Variants in CCAR1 observed in about 807,000 individuals in gnomAD.
The protein encoded by CCAR1 is cell division cycle and apoptosis regulator protein 1.
A neutral mutation model predicts 163.8 loss-of-function variants in CCAR1; 78 were observed. The observed-to-expected ratio is 0.48, with a 90% CI of 0.40 to 0.57. CCAR1 has a LOEUF of 0.57. Ranked by LOEUF, CCAR1 falls within the 20% of genes least tolerant of loss-of-function variation. CCAR1 has a pLI of 0.00. For missense variants in CCAR1, 1,019 were observed against 1,365.2 expected (o/e 0.75, Z 4.00); for synonymous variants, 443 against 460.7 (o/e 0.96, Z 0.49).
intron 16 of CCAR1, among the ~76,000 whole-genome samples, chr10:68,761,486 T>A (rs2056469342): frequency 1.3e-5 from 2 of 151,624 alleles, no homozygotes; most frequent in Non-Finnish European, 2.9e-5. Context: ...TTTTGTATTT[T>A]TAGTAGAGAC....
chr10:68,732,661 C>G (rs1189719262), intron 2 of CCAR1, among the ~76,000 whole-genome samples: 1 of 152,112 alleles, frequency 6.6e-6, no homozygotes, highest in African/African-American at 2.4e-5. Flanking sequence ...AACAGTTGTT[C>G]TTAACCTTTC....
intron 1 of CCAR1, chr10:68,721,598 C>G (rs1044522579): frequency 4.5e-6 from 2 of 447,226 alleles, no homozygotes; most frequent in African/African-American, 4.1e-5. Context: ...ACCCTCCTGG[C>G]CCCCCGGCCC....
intron 2 of CCAR1, among the ~76,000 whole-genome samples, chr10:68,732,143 C>A (rs1171494611): frequency 6.6e-6 from 1 of 152,042 alleles, no homozygotes; most frequent in Non-Finnish European, 1.5e-5. Context: ...AATCTAAGGC[C>A]GTGGTTCAGG....
At position 68,791,414 on chromosome 10, in the gene CCAR1, GT is replaced by G. The variant is rs2056850852; in HGVS notation, c.*151del. ...GATGTATAAAGTTTTATGAATGTGAGTTTCTGCTTTTGAAAATTGCTTGTAA... is the reference window on the plus strand; with the variant it reads ...GATGTATAAAGTTTTATGAATGTGAGTTCTGCTTTTGAAAATTGCTTGTAA... On this transcript the variant is annotated 3_prime_UTR_variant, in exon 25 of 25. Coordinates refer to ENST00000265872, the MANE Select transcript of CCAR1 (RefSeq NM_018237.4). 8.3e-6 allele frequency: 4 copies of G among 480,412 alleles called. No homozygotes were observed. The South Asian group carries it at 1.2e-4, about 14-fold the overall frequency. The allele number at this position is 480,412 out of a possible 1,614,324, so 29.8% of individuals were successfully genotyped here.
intron 2 of CCAR1, among the ~76,000 whole-genome samples, chr10:68,726,821 C>G (rs2055954459): frequency 6.6e-6 from 1 of 151,510 alleles, no homozygotes; most frequent in East Asian, 2.0e-4. Context: ...CATGGTGAAA[C>G]CCCGTCTCTA....
Position 68,740,617 on chromosome 10 carries a change from TTC to T in CCAR1, c.292-10_292-9del. 1 of 1,610,058 alleles carries T rather than the reference TTC, an allele frequency of 6.2e-7. No homozygotes were observed. Among genetic ancestry groups the T allele is most frequent in the South Asian group, 1.1e-5 (1 of 90,576 alleles). On this transcript the variant is annotated splice_polypyrimidine_tract_variant and intron_variant, in intron 4 of 24. Transcript: ENST00000265872. The stretch of plus-strand genomic sequence containing the variant: ...GACCCTTTTCTGTGTGTGTTTATTT[TTC>T]TGTTTTCAGTTACAGCAACCCCAGC...
At chr10:68,781,521 C>T (rs758592065) in intron 19 of CCAR1, among the ~76,000 whole-genome samples, 1 of 152,026 alleles carries the variant, frequency 6.6e-6, no homozygotes, top group Non-Finnish European at 1.5e-5. Flanking sequence ...GCCTGGGCAA[C>T]AGAGCAAGAC....
rs2056306480 is a variant in CCAR1, at chr10:68,749,731, A to G, written c.1118+46A>G. 2.0e-6 allele frequency: 3 copies of G among 1,483,484 alleles called. No individual in the cohort carries two copies. The highest frequency in any genetic ancestry group is 2.8e-6 in the Non-Finnish European group (3 of 1,075,418). The allele number at this position is 1,483,484 out of a possible 1,614,324, so 91.9% of individuals were successfully genotyped here. A position where few individuals can be genotyped will look rare whatever the true frequency, so the allele number is the denominator to read the frequency against. On this transcript the variant is annotated intron_variant, in intron 10 of 24. Coordinates refer to ENST00000265872, the MANE Select transcript of CCAR1 (RefSeq NM_018237.4). The stretch of plus-strand genomic sequence containing the variant: ...TGTTTTCTTGAGTTACTAATTTCAT[A>G]TAATTTGATAGAATATGTCACAGAG...
intron 17 of CCAR1, among the ~76,000 whole-genome samples, chr10:68,767,883 C>G (rs185941441): frequency 1.1e-3 from 164 of 152,276 alleles, no homozygotes; most frequent in African/African-American, 3.8e-3. Context: ...TGTTTGTTTT[C>G]AAAACAATTG....
intron 5 of CCAR1, among the ~76,000 whole-genome samples, chr10:68,741,014 A>C (rs2056176332): frequency 2.0e-5 from 3 of 151,708 alleles, no homozygotes. Flanking sequence ...CCTGGGTTCA[A>C]GCGATTCTCC....
In CCAR1 at chr10:68,744,230, A is replaced by T. The variant is rs557560717; in HGVS notation, c.518+1661A>T. 4.6e-5 allele frequency among the ~76,000 whole-genome samples: 7 copies of T among 152,356 alleles called. No homozygotes were observed. In the East Asian group the frequency reaches 1.4e-3, roughly 29 times the overall value. Reference sequence around the variant, plus strand: ...TTTTTTCCTGAAGAAAGGCGGTTCTAACAATATTTCTGGGTAAACATAACT... The same window carrying T: ...TTTTTTCCTGAAGAAAGGCGGTTCTTACAATATTTCTGGGTAAACATAACT... On this transcript the variant is annotated intron_variant, in intron 6 of 24. Coordinates refer to ENST00000265872, the MANE Select transcript of CCAR1 (RefSeq NM_018237.4).
chr10:68,784,783 C>T (rs2056776949), intron 19 of CCAR1, among the ~76,000 whole-genome samples: 1 of 152,068 alleles, frequency 6.6e-6, no homozygotes. Context: ...GATCCTTTAC[C>T]AGCAAAAGGA....
At chr10:68,749,829 AACTT>A (rs1182116126) in intron 10 of CCAR1, 144 bp downstream of exon 10, 1 of 688,922 alleles carries the variant, frequency 1.5e-6, no homozygotes, top group African/African-American at 1.8e-5. Flanking sequence ...AATTTGAAAT[AACTT>A]AATTATCTAC....
At chr10:68,784,612 A>G (rs1341889673) in intron 19 of CCAR1, among the ~76,000 whole-genome samples, 1 of 152,112 alleles carries the variant, frequency 6.6e-6, no homozygotes, top group Non-Finnish European at 1.5e-5. Flanking sequence ...GCAGAGGTGC[A>G]GTCATGTCTC....
intron 5 of CCAR1, 21 bp downstream of exon 5, chr10:68,740,682 T>G: frequency 1.9e-6 from 3 of 1,592,888 alleles, no homozygotes. Flanking sequence ...ATTACTTTAT[T>G]TGTTTTGGAT....
At chr10:68,790,054 A>G in intron 24 of CCAR1, 139 bp downstream of exon 24, 1 of 563,290 alleles carries the variant, frequency 1.8e-6, no homozygotes, top group Non-Finnish European at 3.0e-6. Context: ...TCCTGAGATT[A>G]GTAAAAAGTG....
At chr10:68,744,657 A>G (rs1025086512) in intron 6 of CCAR1, among the ~76,000 whole-genome samples, 1 of 152,114 alleles carries the variant, frequency 6.6e-6, no homozygotes, top group Non-Finnish European at 1.5e-5. Context: ...TTTTGCATTC[A>G]TCATTTGAAA....
intron 19 of CCAR1, among the ~76,000 whole-genome samples, chr10:68,781,937 A>C (rs1041052295): frequency 2.6e-5 from 4 of 152,216 alleles, no homozygotes; most frequent in African/African-American, 9.6e-5. Flanking sequence ...AAGTGAGTGA[A>C]GAAGGCATGT....
intron 2 of CCAR1, among the ~76,000 whole-genome samples, chr10:68,727,506 G>A (rs7086618): frequency 0.078 from 11,925 of 152,056 alleles, 1,337 homozygotes; most frequent in African/African-American, 0.25. Flanking sequence ...TTTCTCATTC[G>A]TCTGCAAAAG....
Sources: gnomAD v4.1 joint callset for allele counts (sites outside exome capture counted in the v4.1 genomes callset) on GRCh38, gnomAD v4.1.1 for gene constraint, MANE v1.5 for transcripts, NCBI Gene and HGNC (gene_info 2026-07-23, HGNC 2026-07-21) for gene names.